Variants in CNTNAP2 observed in about 807,000 individuals in gnomAD.
CNTNAP2 encodes contactin-associated protein-like 2.
Under a neutral mutation model 155.2 loss-of-function variants are expected in CNTNAP2, and 98 were observed. The observed-to-expected ratio is 0.63, with a 90% confidence interval of 0.54 to 0.75. The LOEUF (loss-of-function observed/expected upper bound fraction) is 0.75. CNTNAP2 is among the 30% of genes least tolerant of loss of function. CNTNAP2 has a pLI of 0.00. For synonymous variants in CNTNAP2, 651 were observed against 631.2 expected (o/e 1.03, Z -0.47); for missense variants, 1,727 against 1,688.1 (o/e 1.02, Z -0.40).
chr7:147,370,204 T>C (rs1228200038), intron 9 of CNTNAP2, among the ~76,000 whole-genome samples: 1 of 152,210 alleles, frequency 6.6e-6, no homozygotes, highest in Non-Finnish European at 1.5e-5. Context: ...CATGATTATA[T>C]TTGTGTGTAC....
chr7:147,284,652 T>G (rs1399746489), intron 8 of CNTNAP2, among the ~76,000 whole-genome samples: 1 of 151,974 alleles, frequency 6.6e-6, no homozygotes, highest in African/African-American at 2.4e-5. Flanking sequence ...AACATACATT[T>G]ATATCCTAAT....
intron 3 of CNTNAP2, among the ~76,000 whole-genome samples, chr7:146,985,272 C>T (rs1006222115): frequency 9.3e-5 from 14 of 151,002 alleles, no homozygotes; most frequent in African/African-American, 3.4e-4. Flanking sequence ...TGACAAAATA[C>T]CTAGACATAA....
At chr7:146,461,236 A>G (rs988016957) in intron 1 of CNTNAP2, among the ~76,000 whole-genome samples, 2 of 151,610 alleles carry the variant, frequency 1.3e-5, no homozygotes, top group Non-Finnish European at 1.5e-5. Flanking sequence ...CCCCGTCTCT[A>G]CTAAAAATAC....
chr7:146,676,828 A>G (rs1290021546), intron 1 of CNTNAP2, among the ~76,000 whole-genome samples: 1 of 152,158 alleles, frequency 6.6e-6, no homozygotes, highest in African/African-American at 2.4e-5. Flanking sequence ...TATGGGGGAA[A>G]CTGCCCCCAT....
chr7:146,964,402 T>A (rs1797615768), intron 3 of CNTNAP2, among the ~76,000 whole-genome samples: 1 of 152,216 alleles, frequency 6.6e-6, no homozygotes, highest in South Asian at 2.1e-4. Flanking sequence ...TTCCCAGATG[T>A]CTTAATAGAA....
chr7:147,823,374 T>C (rs1798391470), intron 13 of CNTNAP2, among the ~76,000 whole-genome samples: 1 of 152,180 alleles, frequency 6.6e-6, no homozygotes, highest in African/African-American at 2.4e-5. Context: ...GCCTTGTTCT[T>C]AAATGAGATT....
intron 1 of CNTNAP2, among the ~76,000 whole-genome samples, chr7:146,158,015 G>A (rs928094280): frequency 3.9e-5 from 6 of 152,036 alleles, no homozygotes; most frequent in African/African-American, 1.2e-4. Flanking sequence ...TCATACAGCC[G>A]GGTGCCCCTC....
At chr7:146,245,972 A>AG (rs1799642230) in intron 1 of CNTNAP2, among the ~76,000 whole-genome samples, 1 of 142,508 alleles carries the variant, frequency 7.0e-6, no homozygotes, top group Non-Finnish European at 1.5e-5. Context: ...TTGGTTGATA[A>AG]GGCATAGATC....
At chr7:147,678,258 GGC>G (rs1157348222) in intron 13 of CNTNAP2, among the ~76,000 whole-genome samples, 2 of 151,582 alleles carry the variant, frequency 1.3e-5, no homozygotes, top group African/African-American at 4.8e-5. Context: ...CCAATACCAG[GGC>G]CATGTTCTTA....
intron 15 of CNTNAP2, among the ~76,000 whole-genome samples, chr7:148,081,001 C>T (rs1162078221): frequency 6.6e-6 from 1 of 152,130 alleles, no homozygotes; most frequent in Non-Finnish European, 1.5e-5. Flanking sequence ...GGAAACCGTG[C>T]ATACAGATGG....
intron 5 of CNTNAP2, among the ~76,000 whole-genome samples, chr7:147,112,520 T>G (rs984059301): frequency 5.9e-5 from 9 of 152,346 alleles, no homozygotes; most frequent in African/African-American, 1.9e-4. Flanking sequence ...CATAGATGGC[T>G]CTTACTATTT....
chr7:147,737,891 G>C (rs1796884147), intron 13 of CNTNAP2, among the ~76,000 whole-genome samples: 1 of 152,182 alleles, frequency 6.6e-6, no homozygotes, highest in Non-Finnish European at 1.5e-5. Context: ...GGGTGGGAGT[G>C]ACCCGATTTT....
At chr7:147,960,328 A>T (rs564599332) in intron 14 of CNTNAP2, among the ~76,000 whole-genome samples, 8 of 152,272 alleles carry the variant, frequency 5.3e-5, no homozygotes, top group African/African-American at 1.7e-4. Flanking sequence ...TTCTATGAGG[A>T]AGCTTTATGC....
At chr7:146,436,060 A>G (rs2129118120) in intron 1 of CNTNAP2, among the ~76,000 whole-genome samples, 1 of 152,352 alleles carries the variant, frequency 6.6e-6, no homozygotes, top group African/African-American at 2.4e-5. Context: ...TTATTCAGCA[A>G]AAATATGACA....
chr7:146,385,728 G>A (rs1795450959), intron 1 of CNTNAP2, among the ~76,000 whole-genome samples: 1 of 152,168 alleles, frequency 6.6e-6, no homozygotes, highest in South Asian at 2.1e-4. Context: ...CAGAGAAGCT[G>A]CTTTCTCATA....
intron 13 of CNTNAP2, among the ~76,000 whole-genome samples, chr7:147,796,450 A>G (rs773424024): frequency 8.1e-4 from 124 of 152,252 alleles, no homozygotes; most frequent in Non-Finnish European, 1.5e-3. Context: ...TGACAGATCT[A>G]TTTACCTAAT....
intron 1 of CNTNAP2, among the ~76,000 whole-genome samples, chr7:146,170,511 GT>G (rs36118318): frequency 0.29 from 43,552 of 149,336 alleles, 7,030 homozygotes; most frequent in African/African-American, 0.44. Context: ...AATATCACTA[GT>G]TTTTTTTTTA....
At position 147,168,060 on chromosome 7, in the gene CNTNAP2, A is replaced by C. The variant is rs192611146; in HGVS notation, c.1348+35551A>C. On this transcript the variant is annotated intron_variant, in intron 8 of 23. Transcript: ENST00000361727. ...CATATGTATATATAAAATGTATATA[A>C]ACATATATATATTTATACATATATA... Among the ~76,000 whole-genome samples the C allele has an allele frequency of 3.2e-3, 471 of 148,764 alleles. 6 individuals carry two copies. The highest frequency in any genetic ancestry group is 0.01 in the African/African-American group (423 of 40,848).
intron 1 of CNTNAP2, among the ~76,000 whole-genome samples, chr7:146,271,834 T>C (rs1339537644): frequency 6.6e-6 from 1 of 152,176 alleles, no homozygotes; most frequent in Non-Finnish European, 1.5e-5. Flanking sequence ...AGATAAACTA[T>C]TGCTACAACT....
Sources: allele counts gnomAD v4.1 joint callset (sites outside exome capture counted in the v4.1 genomes callset), GRCh38; gene constraint gnomAD v4.1.1; transcripts MANE v1.5; gene names NCBI Gene and HGNC (gene_info 2026-07-23, HGNC 2026-07-21).